Variants in SLC44A1 observed in about 807,000 individuals in gnomAD.
SLC44A1 encodes solute carrier family 44 member 1.
In SLC44A1, 26 loss-of-function variants were observed where a neutral mutation model predicts 79.3. The observed-to-expected ratio is 0.33, with a 90% CI of 0.24 to 0.46. The LOEUF (loss-of-function observed/expected upper bound fraction) is 0.46, where lower values mean the gene tolerates loss of function less well. Ranked by LOEUF, SLC44A1 falls within the 20% of genes least tolerant of loss-of-function variation. The pLI is 1.00. For synonymous variants in SLC44A1, 263 were observed against 286.2 expected, an observed-to-expected ratio of 0.92 and a Z score of 0.82; for missense variants, 688 against 798.1, an observed-to-expected ratio of 0.86 and a Z score of 1.66.
chr9:105,299,321 C>A lies in SLC44A1; in HGVS notation c.126+12C>A. On this transcript the variant is annotated intron_variant, in intron 2 of 15. Transcript: ENST00000374720. Reference sequence around the variant, plus strand: ...TCTGCATTGGGATGGTAAGGAAACTCTCACAGATGGTCCAAACTGGACTCA... The same window carrying A: ...TCTGCATTGGGATGGTAAGGAAACTATCACAGATGGTCCAAACTGGACTCA... 2 of 1,555,408 alleles carry A rather than the reference C, an allele frequency of 1.3e-6. No individual in the cohort carries two copies. The highest frequency in any genetic ancestry group is 1.7e-6 in the Non-Finnish European group (2 of 1,153,602).
At position 105,392,548 on chromosome 9, in the gene SLC44A1, A is replaced by C; in HGVS notation, c.*3492A>C. 5 of 984,830 alleles carry C rather than the reference A, an allele frequency of 5.1e-6. No homozygotes were observed. The highest frequency in any genetic ancestry group is 6.0e-6 in the Non-Finnish European group (5 of 829,882). 61.0% of individuals were successfully genotyped at this position (984,830 alleles called of 1,614,324 possible). A position where few individuals can be genotyped will look rare whatever the true frequency, so the allele number is the denominator to read the frequency against. ...TTAGGATTTCACCCTAGTAGGGGGT[A>C]TGAGGCACTGACCCCTTTATTCTGG... is the stretch of plus-strand genomic sequence containing the variant. On this transcript the variant is annotated 3_prime_UTR_variant, in exon 16 of 16. Transcript: ENST00000374720.
chr9:105,390,046 A>G lies in SLC44A1; in HGVS notation c.*990A>G. On this transcript the variant is annotated 3_prime_UTR_variant, in exon 16 of 16. Coordinates refer to ENST00000374720, the MANE Select transcript of SLC44A1 (RefSeq NM_080546.5). ...CATTTTATTCAAATGCTTGCTATAC[A>G]ATCTGAAAACACACTGGCAGGTGCT... is the stretch of plus-strand genomic sequence containing the variant. 1 of 1,308,350 alleles carries G rather than the reference A, an allele frequency of 7.6e-7. No individual in the cohort carries two copies. The highest frequency in any genetic ancestry group is 9.8e-7 in the Non-Finnish European group (1 of 1,023,152). 81.0% of individuals were successfully genotyped at this position (1,308,350 alleles called of 1,614,324 possible).
At chr9:105,411,813 A>C (rs1829098705) in intron 15 of SLC44A1, among the ~76,000 whole-genome samples, 2 of 152,184 alleles carry the variant, frequency 1.3e-5, no homozygotes, top group African/African-American at 2.4e-5. Context: ...TTCTCAGTGC[A>C]TCATATCAGG....
At chr9:105,280,542 C>T (rs1830325421) in intron 1 of SLC44A1, among the ~76,000 whole-genome samples, 1 of 152,192 alleles carries the variant, frequency 6.6e-6, no homozygotes. Flanking sequence ...TCTGAATTAA[C>T]AGTATTACTC....
chr9:105,343,410 A>G (rs1032544991), intron 4 of SLC44A1, among the ~76,000 whole-genome samples: 4 of 152,224 alleles, frequency 2.6e-5, no homozygotes, highest in African/African-American at 7.2e-5. Flanking sequence ...TGTGAATACT[A>G]ATAAGTCTTT....
chr9:105,320,751 G>A (rs1588775797), intron 3 of SLC44A1, among the ~76,000 whole-genome samples: 1 of 152,068 alleles, frequency 6.6e-6, no homozygotes, highest in Non-Finnish European at 1.5e-5. Flanking sequence ...CACCATGCAT[G>A]TCTCTGTTCT....
chr9:105,288,338 G>GT (rs1246797577), intron 1 of SLC44A1, among the ~76,000 whole-genome samples: 19 of 151,628 alleles, frequency 1.3e-4, no homozygotes, highest in African/African-American at 3.1e-4. Context: ...CTATTTTAAT[G>GT]TTTTTTTTGT....
chr9:105,347,957 TA>T (rs1827291186), intron 4 of SLC44A1, among the ~76,000 whole-genome samples: 1 of 152,064 alleles, frequency 6.6e-6, no homozygotes, highest in Non-Finnish European at 1.5e-5. Flanking sequence ...CTACTCCTAC[TA>T]GCTCTGTGTT....
intron 10 of SLC44A1, among the ~76,000 whole-genome samples, 154 bp from the exon 11 acceptor site, chr9:105,365,329 A>G (rs1009075270): frequency 6.6e-6 from 1 of 152,178 alleles, no homozygotes; most frequent in Non-Finnish European, 1.5e-5. Flanking sequence ...AGCATTTGTA[A>G]TAGTTATATA....
At chr9:105,293,063 A>G (rs1830640641) in intron 1 of SLC44A1, among the ~76,000 whole-genome samples, 1 of 152,214 alleles carries the variant, frequency 6.6e-6, no homozygotes, top group African/African-American at 2.4e-5. Flanking sequence ...AGGCTAAGGC[A>G]GGAAGATCAC....
intron 1 of SLC44A1, among the ~76,000 whole-genome samples, chr9:105,252,516 C>CTG (rs1297436020): frequency 6.6e-6 from 1 of 152,104 alleles, no homozygotes; most frequent in African/African-American, 2.4e-5. Context: ...AGCAGCTTGT[C>CTG]TGTTGAAGGT....
chr9:105,308,320 A>G (rs1831086025), intron 2 of SLC44A1, among the ~76,000 whole-genome samples: 1 of 152,182 alleles, frequency 6.6e-6, no homozygotes, highest in African/African-American at 2.4e-5. Flanking sequence ...GTTTTTTACC[A>G]CTTTACTGGA....
At chr9:105,268,485 A>T (rs372502716) in intron 1 of SLC44A1, among the ~76,000 whole-genome samples, 1 of 151,846 alleles carries the variant, frequency 6.6e-6, no homozygotes, top group Non-Finnish European at 1.5e-5. Flanking sequence ...TCTTTCATTG[A>T]TCTGAGTTCT....
chr9:105,389,776 C>A lies in SLC44A1; in HGVS notation c.*720C>A. On this transcript the variant is annotated 3_prime_UTR_variant, in exon 16 of 16. Coordinates refer to ENST00000374720, the MANE Select transcript of SLC44A1 (RefSeq NM_080546.5). ...ATAATCTTTCGTATGCAAACTTTTC[C>A]CTTATATTTTGTCTTTCTTTCCTTT... is the stretch of plus-strand genomic sequence containing the variant. The A allele has an allele frequency of 7.6e-7, 1 of 1,316,992 alleles. No homozygotes were observed. Among genetic ancestry groups the A allele is most frequent in the East Asian group, 3.0e-5 (1 of 33,494 alleles). 81.6% of individuals were successfully genotyped at this position (1,316,992 alleles called of 1,614,324 possible).
intron 1 of SLC44A1, among the ~76,000 whole-genome samples, chr9:105,259,881 G>A (rs187688152): frequency 8.9e-4 from 135 of 152,280 alleles, no homozygotes; most frequent in African/African-American, 3.0e-3. Flanking sequence ...AAAGTTTATA[G>A]TTTAATGTGA....
intron 3 of SLC44A1, among the ~76,000 whole-genome samples, chr9:105,314,317 G>A (rs1160908841): frequency 6.6e-6 from 1 of 152,122 alleles, no homozygotes; most frequent in Non-Finnish European, 1.5e-5. Context: ...GCAAAGTGGT[G>A]GTAGCTCTTA....
intron 15 of SLC44A1, among the ~76,000 whole-genome samples, chr9:105,436,027 A>T (rs1332383909): frequency 1.3e-5 from 2 of 152,134 alleles, no homozygotes; most frequent in Non-Finnish European, 2.9e-5. Flanking sequence ...GCAAAACCCC[A>T]TCTCTACTGA....
At chr9:105,282,637 C>T (rs555501758) in intron 1 of SLC44A1, among the ~76,000 whole-genome samples, 2 of 152,254 alleles carry the variant, frequency 1.3e-5, no homozygotes, top group African/African-American at 4.8e-5. Context: ...CAACCACCGC[C>T]TCCTGGGTTC....
chr9:105,308,009 T>A (rs1831078082), intron 2 of SLC44A1, among the ~76,000 whole-genome samples: 1 of 152,226 alleles, frequency 6.6e-6, no homozygotes, highest in East Asian at 1.9e-4. Flanking sequence ...GAGACTAACA[T>A]GTATTGAGAC....
Sources: gnomAD v4.1 joint callset for allele counts (sites outside exome capture counted in the v4.1 genomes callset) on GRCh38, gnomAD v4.1.1 for gene constraint, MANE v1.5 for transcripts, NCBI Gene and HGNC (gene_info 2026-07-23, HGNC 2026-07-21) for gene names.